Variants in ANKRD22 observed in about 807,000 individuals in gnomAD.
ANKRD22 encodes ankyrin repeat domain-containing protein 22.
ANKRD22 carries 24 observed loss-of-function variants against 25.7 expected under a neutral mutation model. The observed-to-expected ratio is 0.93, with a 90% CI of 0.68 to 1.31. The LOEUF is 1.31. ANKRD22 is among the 50% of genes most tolerant of loss of function. The pLI, the probability that ANKRD22 is intolerant of heterozygous loss-of-function variation, is 0.00. For missense variants in ANKRD22, 214 were observed against 227.1 expected (o/e 0.94, Z 0.37); for synonymous variants, 84 against 84.3 (o/e 1.00, Z 0.02).
At position 88,828,668 on chromosome 10, in the gene ANKRD22, TA is replaced by T; in HGVS notation, c.214-3del. ...ATAATGCAAGCAGGTTCTCTCTTTC[TA>T]AAAATTAAGAAAAGGATTCTTTACT... On this transcript the variant is annotated splice_region_variant and splice_polypyrimidine_tract_variant and intron_variant, in intron 2 of 5. Transcript: ENST00000371930. The T allele has an allele frequency of 6.4e-7, 1 of 1,567,518 alleles. No homozygotes were observed. Among genetic ancestry groups the T allele is most frequent in the African/African-American group, 1.4e-5 (1 of 72,664 alleles).
intron 1 of ANKRD22, among the ~76,000 whole-genome samples, chr10:88,844,848 T>G (rs1357301437): frequency 6.6e-6 from 1 of 152,108 alleles, no homozygotes; most frequent in Non-Finnish European, 1.5e-5. Context: ...ACAAATAAAA[T>G]GACTTATTTT....
chr10:88,837,010 T>C (rs1843960297), intron 1 of ANKRD22, among the ~76,000 whole-genome samples: 1 of 152,126 alleles, frequency 6.6e-6, no homozygotes, highest in Admixed American at 6.6e-5. Context: ...AGAGGAATTG[T>C]AGTCAGTTTG....
chr10:88,847,623 T>G (rs2133083095), intron 1 of ANKRD22, among the ~76,000 whole-genome samples: 1 of 151,658 alleles, frequency 6.6e-6, no homozygotes, highest in Non-Finnish European at 1.5e-5. Context: ...TCCAAAAGCT[T>G]GACTTTCTGT....
chr10:88,840,519 T>C (rs139249682), intron 1 of ANKRD22, among the ~76,000 whole-genome samples: 8 of 152,146 alleles, frequency 5.3e-5, no homozygotes, highest in African/African-American at 1.9e-4. Flanking sequence ...TAATTCCCAA[T>C]CTAAGGAAAG....
rs372257424 is a variant in ANKRD22 at position 88,832,349 on chromosome 10, C to G, written c.22-323G>C. Among the ~76,000 whole-genome samples, 7 of 151,932 alleles carry G rather than the reference C, an allele frequency of 4.6e-5. No individual in the cohort carries two copies. In the East Asian group the frequency reaches 9.7e-4, roughly 21 times the overall value. On this transcript the variant is annotated intron_variant, in intron 1 of 5. Coordinates refer to ENST00000371930, the MANE Select transcript of ANKRD22 (RefSeq NM_144590.3). The stretch of plus-strand genomic sequence containing the variant: ...AGTGCTTACAGGTAGGTGGGCCTGT[C>G]GGAAAAGCATTCATTTTCTTTACTA...
intron 1 of ANKRD22, among the ~76,000 whole-genome samples, chr10:88,834,858 G>A (rs1288265658): frequency 6.6e-6 from 1 of 152,068 alleles, no homozygotes; most frequent in Non-Finnish European, 1.5e-5. Flanking sequence ...CAGGAGAATC[G>A]CTTGATTCGG....
chr10:88,828,366 T>C (rs1421408783), intron 3 of ANKRD22, among the ~76,000 whole-genome samples, 193 bp downstream of exon 3: 2 of 152,246 alleles, frequency 1.3e-5, no homozygotes, highest in East Asian at 1.9e-4. Flanking sequence ...TGATTAACTA[T>C]TTTTGCTAGC....
chr10:88,846,773 G>C (rs151095087), intron 1 of ANKRD22, among the ~76,000 whole-genome samples: 1 of 152,074 alleles, frequency 6.6e-6, no homozygotes, highest in African/African-American at 2.4e-5. Flanking sequence ...TGCCCACAAG[G>C]CCTGTCTCAT....
chr10:88,839,751 G>A (rs1843987279), intron 1 of ANKRD22, among the ~76,000 whole-genome samples: 2 of 152,166 alleles, frequency 1.3e-5, no homozygotes, highest in South Asian at 4.1e-4. Context: ...TGGGAAGTGA[G>A]GCTAGGAAAG....
At chr10:88,846,367 T>C (rs1409380492) in intron 1 of ANKRD22, among the ~76,000 whole-genome samples, 1 of 152,218 alleles carries the variant, frequency 6.6e-6, no homozygotes, top group African/African-American at 2.4e-5. Flanking sequence ...GTTTTATATT[T>C]ACACTGATTG....
At chr10:88,824,405 T>C (rs1040380096) in intron 4 of ANKRD22, among the ~76,000 whole-genome samples, 7 of 152,210 alleles carry the variant, frequency 4.6e-5, no homozygotes, top group Admixed American at 1.3e-4. Context: ...TCTAAAATTA[T>C]AGGAGATCAT....
At position 88,822,925 on chromosome 10, in the gene ANKRD22, G is replaced by T. The variant is rs780587465; in HGVS notation, c.*16C>A. ...CGTTAACTTTTTCTGTATCTCCATC[G>T]GTGTGGTCACAAGGATTACAATGCT... On this transcript the variant is annotated 3_prime_UTR_variant, in exon 6 of 6. Coordinates refer to ENST00000371930, the MANE Select transcript of ANKRD22 (RefSeq NM_144590.3). 1.3e-6 allele frequency: 2 copies of T among 1,593,966 alleles called. No individual in the cohort carries two copies. Among genetic ancestry groups the T allele is most frequent in the Non-Finnish European group, 1.7e-6 (2 of 1,162,516 alleles).
chr10:88,825,964 T>C, intron 4 of ANKRD22, 74 bp downstream of exon 4: 1 of 1,262,506 alleles, frequency 7.9e-7, no homozygotes, highest in Non-Finnish European at 1.1e-6. Flanking sequence ...AAAGCAACTG[T>C]ACAGATGACA....
chr10:88,850,064 G>C (rs535267953), intron 1 of ANKRD22, among the ~76,000 whole-genome samples: 14 of 151,142 alleles, frequency 9.3e-5, no homozygotes, highest in Non-Finnish European at 1.6e-4. Flanking sequence ...GATCCAGCAG[G>C]CTTTTTTCTT....
At chr10:88,824,791 T>C (rs1006861399) in intron 4 of ANKRD22, among the ~76,000 whole-genome samples, 1 of 152,120 alleles carries the variant, frequency 6.6e-6, no homozygotes, top group Admixed American at 6.5e-5. Context: ...GAATATTAAA[T>C]CTATTGAATT....
chr10:88,851,482 G>A (rs1844104070), intron 1 of ANKRD22, 105 bp downstream of exon 1: 4 of 1,309,950 alleles, frequency 3.1e-6, no homozygotes, highest in Non-Finnish European at 4.4e-6. Flanking sequence ...CCAGGGAGTT[G>A]AACAGACAAA....
intron 4 of ANKRD22, 125 bp downstream of exon 4, chr10:88,825,913 G>T: frequency 1.2e-6 from 1 of 822,044 alleles, no homozygotes; most frequent in Non-Finnish European, 1.8e-6. Context: ...AAAAAAAGGA[G>T]AAAATAAAAG....
At chr10:88,824,826 T>C (rs1843837414) in intron 4 of ANKRD22, among the ~76,000 whole-genome samples, 4 of 152,210 alleles carry the variant, frequency 2.6e-5, no homozygotes, top group Admixed American at 2.6e-4. Flanking sequence ...AAGAAAAACC[T>C]TCAACAAACT....
intron 1 of ANKRD22, 151 bp from the exon 2 acceptor site, chr10:88,832,177 T>C: frequency 1.2e-6 from 1 of 808,634 alleles, no homozygotes; most frequent in African/African-American, 1.8e-5. Flanking sequence ...GTCTCAGTTA[T>C]GCCTAGCTTT....
Sources: gnomAD v4.1 joint callset for allele counts (sites outside exome capture counted in the v4.1 genomes callset) on GRCh38, gnomAD v4.1.1 for gene constraint, MANE v1.5 for transcripts, NCBI Gene and HGNC (gene_info 2026-07-23, HGNC 2026-07-21) for gene names.